Variants in COL10A1 observed in about 807,000 individuals in gnomAD.
COL10A1 encodes collagen alpha-1(X) chain.
A neutral mutation model predicts 18.2 loss-of-function variants in COL10A1; 10 were observed. That is an observed-to-expected ratio of 0.55 (90% CI 0.34 to 0.93). The LOEUF (loss-of-function observed/expected upper bound fraction) is 0.93, where lower values mean the gene tolerates loss of function less well. Ranked by LOEUF, COL10A1 falls within the 40% of genes least tolerant of loss-of-function variation. COL10A1 has a pLI of 0.02. For missense variants in COL10A1, 897 were observed against 853.5 expected (o/e 1.05, Z -0.64); for synonymous variants, 330 against 316.6 (o/e 1.04, Z -0.45).
chr6:116,156,956 A>G (rs1780209848), intron 1 of COL10A1, among the ~76,000 whole-genome samples: 2 of 152,236 alleles, frequency 1.3e-5, no homozygotes, highest in East Asian at 1.9e-4. Flanking sequence ...CTCCCTGGCA[A>G]GAAGGCCTGC....
chr6:116,166,020 C>G, the COL10A1 span, among the ~76,000 whole-genome samples: 1 of 152,130 alleles, frequency 6.6e-6, no homozygotes, highest in Non-Finnish European at 1.5e-5. Context: ...ATCCTAAATC[C>G]GCACTGACAG....
intron 1 of COL10A1, among the ~76,000 whole-genome samples, chr6:116,138,049 G>T (rs1249130974): frequency 2.0e-5 from 3 of 152,022 alleles, no homozygotes; most frequent in Non-Finnish European, 4.4e-5. Context: ...CTGCACTCCC[G>T]CCTGGGTGAC....
the COL10A1 span, among the ~76,000 whole-genome samples, chr6:116,210,915 A>G: frequency 6.6e-6 from 1 of 152,028 alleles, no homozygotes; most frequent in Admixed American, 6.6e-5. Context: ...GCTAGTCTAC[A>G]AAGATAGCTC....
intron 1 of COL10A1, among the ~76,000 whole-genome samples, chr6:116,142,083 A>G (rs1345359982): frequency 6.6e-6 from 1 of 152,080 alleles, no homozygotes; most frequent in Non-Finnish European, 1.5e-5. Flanking sequence ...AATGGAATTG[A>G]TATTAGGATC....
chr6:116,135,872 T>TATATATATATAC (rs368675402), intron 1 of COL10A1, among the ~76,000 whole-genome samples: 3 of 121,310 alleles, frequency 2.5e-5, no homozygotes, highest in South Asian at 4.9e-4. Flanking sequence ...TATATATATA[T>TATATATATATAC]ACACACATAC....
chr6:116,142,515 T>C (rs1028631016), intron 1 of COL10A1, among the ~76,000 whole-genome samples: 2 of 152,126 alleles, frequency 1.3e-5, no homozygotes, highest in East Asian at 3.8e-4. Context: ...GATTATTTGG[T>C]TGAAATTTGT....
chr6:116,126,912 C>G (rs1027459021), upstream of COL10A1, among the ~76,000 whole-genome samples: 1 of 152,082 alleles, frequency 6.6e-6, no homozygotes, highest in East Asian at 1.9e-4. Context: ...AACACTTTCC[C>G]TCAAAGGTGG....
chr6:116,202,136 C>T, the COL10A1 span, among the ~76,000 whole-genome samples: 1 of 151,988 alleles, frequency 6.6e-6, no homozygotes, highest in Non-Finnish European at 1.5e-5. Flanking sequence ...GAAGTAGCCA[C>T]GTGTGGCCCA....
At chr6:116,167,163 C>T in the COL10A1 span, among the ~76,000 whole-genome samples, 8 of 148,950 alleles carry the variant, frequency 5.4e-5, no homozygotes, top group Non-Finnish European at 7.4e-5. Flanking sequence ...AAGTGACATA[C>T]TTTGTACTTA....
chr6:116,159,869 G>A (rs1305890314), upstream of COL10A1, among the ~76,000 whole-genome samples: 1 of 151,980 alleles, frequency 6.6e-6, no homozygotes, highest in Non-Finnish European at 1.5e-5. Flanking sequence ...TGCGATATTT[G>A]TTTTTTTGTT....
the COL10A1 span, among the ~76,000 whole-genome samples, chr6:116,172,395 C>G: frequency 6.9e-6 from 1 of 143,904 alleles, no homozygotes; most frequent in African/African-American, 2.6e-5. Flanking sequence ...AATCTTGGCT[C>G]GCTGCAACCT....
chr6:116,144,095 T>G (rs1779832964), intron 1 of COL10A1, among the ~76,000 whole-genome samples: 1 of 152,186 alleles, frequency 6.6e-6, no homozygotes, highest in Non-Finnish European at 1.5e-5. Context: ...GTTCATGTAT[T>G]GGTGGTGTCG....
At position 116,121,886 on chromosome 6, in the gene COL10A1, G is replaced by C; in HGVS notation, c.230C>G (p.Ser77Cys). The stretch of plus-strand genomic sequence containing the variant: ...GTAGCCTGGTTTTCCTGGTGGTCCA[G>C]AAGGACCTGGGTGCCCTCGAGGTCC... Reference protein sequence around the residue: ...PAGPRGHPGPSGPPGKPGYGS... With the variant: ...PAGPRGHPGPCGPPGKPGYGS... The change falls in exon 3 of 3, where the codon TCT becomes TGT. Residue 77 changes from serine to cysteine, a missense_variant. Coordinates refer to ENST00000651968, the MANE Select transcript of COL10A1 (RefSeq NM_000493.4). 6.2e-7 allele frequency: 1 copy of C among 1,614,014 alleles called. No individual in the cohort carries two copies. The highest frequency in any genetic ancestry group is 8.5e-7 in the Non-Finnish European group (1 of 1,179,996).
chr6:116,145,545 A>G (rs760372153), intron 1 of COL10A1: 10 of 273,760 alleles, frequency 3.7e-5, no homozygotes, highest in Admixed American at 3.2e-4. Flanking sequence ...CTGTCCTGCT[A>G]TTGTCATCTT....
intron 1 of COL10A1, chr6:116,137,231 T>G (rs986680215): frequency 2.5e-5 from 4 of 158,874 alleles, no homozygotes; most frequent in African/African-American, 9.6e-5. Context: ...TTTTCATGAT[T>G]TGACTCAGAC....
At position 116,152,357 on chromosome 6, in the gene COL10A1, C is replaced by T. The variant is rs1243401251; in HGVS notation, c.-16+6257G>A. Among the ~76,000 whole-genome samples, 20 of 152,088 alleles carry T rather than the reference C, an allele frequency of 1.3e-4. 1 individual carries two copies. The highest frequency in any genetic ancestry group is 1.3e-3 in the Admixed American group (20 of 15,262). ...TAACTCCCATTCCTTTCTTTCTGGCCTCTGCTTTTCACCGTGAGGTAGATT... is the reference window on the plus strand; with the variant it reads ...TAACTCCCATTCCTTTCTTTCTGGCTTCTGCTTTTCACCGTGAGGTAGATT... On this transcript the variant is annotated intron_variant, in intron 1 of 1. Transcript: ENST00000418500.
upstream of COL10A1, among the ~76,000 whole-genome samples, chr6:116,128,751 G>A (rs1211513013): frequency 6.6e-6 from 1 of 152,042 alleles, no homozygotes; most frequent in African/African-American, 2.4e-5. Flanking sequence ...TTCAGCCTTT[G>A]AGGTTCATTA....
chr6:116,137,204 C>T, intron 1 of COL10A1: 1 of 169,460 alleles, frequency 5.9e-6, no homozygotes, highest in Non-Finnish European at 1.4e-5. Flanking sequence ...CCACCACTTC[C>T]TGGCCAGGAG....
intron 1 of COL10A1, among the ~76,000 whole-genome samples, chr6:116,154,991 A>G (rs970194652): frequency 1.3e-5 from 2 of 152,150 alleles, no homozygotes; most frequent in African/African-American, 2.4e-5. Flanking sequence ...TTTAACTTTT[A>G]CTCCCTGTGC....
Sources: gnomAD v4.1 joint callset for allele counts (sites outside exome capture counted in the v4.1 genomes callset) on GRCh38, gnomAD v4.1.1 for gene constraint, MANE v1.5 for transcripts, NCBI Gene and HGNC (gene_info 2026-07-23, HGNC 2026-07-21) for gene names.